The following SH2D4A variants were observed in gnomAD, a reference collection of about 807,000 sequenced individuals.
SH2D4A encodes SH2 domain-containing protein 4A.
Under a neutral mutation model 64.7 loss-of-function variants are expected in SH2D4A, and 70 were observed. That is an observed-to-expected ratio of 1.08 (90% CI 0.89 to 1.32). The LOEUF is 1.32. Ranked by LOEUF, SH2D4A falls within the 40% of genes most tolerant of loss-of-function variation. The pLI is 0.00. For missense variants in SH2D4A, 706 were observed against 540.1 expected, an observed-to-expected ratio of 1.31 and a Z score of -3.04; for synonymous variants, 268 against 200.7, an observed-to-expected ratio of 1.34 and a Z score of -2.83.
chr8:19,324,094 C>T (rs552508494), intron 2 of SH2D4A, among the ~76,000 whole-genome samples: 16 of 152,344 alleles, frequency 1.1e-4, no homozygotes, highest in Non-Finnish European at 2.1e-4. Flanking sequence ...TATGTGAAGG[C>T]GCCTTGCGCA....
intron 2 of SH2D4A, among the ~76,000 whole-genome samples, chr8:19,327,194 T>G (rs1224363728): frequency 6.6e-6 from 1 of 152,134 alleles, no homozygotes. Flanking sequence ...AGAAAAACAC[T>G]TCAAGAAACC....
chr8:19,314,034 T>G (rs2117154367), intron 1 of SH2D4A: 1 of 15,240 alleles, frequency 6.6e-5, no homozygotes, highest in Non-Finnish European at 7.1e-5. Flanking sequence ...GCGGCGGGTG[T>G]CCGGTGTCCG....
chr8:19,319,862 A>G (rs1264366782), intron 2 of SH2D4A, 134 bp downstream of exon 2: 14 of 829,222 alleles, frequency 1.7e-5, no homozygotes, highest in Non-Finnish European at 2.5e-5. Context: ...TGTTATTGAG[A>G]ATCTAATAGT....
chr8:19,376,451 A>G (rs1416980323), intron 8 of SH2D4A, among the ~76,000 whole-genome samples: 7 of 152,024 alleles, frequency 4.6e-5, no homozygotes, highest in East Asian at 1.9e-4. Flanking sequence ...GCAAAACCCA[A>G]TCTCTACTAA....
intron 8 of SH2D4A, among the ~76,000 whole-genome samples, chr8:19,380,277 TATTAG>T (rs1276564219): frequency 6.6e-6 from 1 of 152,238 alleles, no homozygotes; most frequent in Non-Finnish European, 1.5e-5. Flanking sequence ...ATCAATCCTT[TATTAG>T]ATATCTAATT....
At chr8:19,320,379 C>G (rs970152440) in intron 2 of SH2D4A, among the ~76,000 whole-genome samples, 6 of 152,026 alleles carry the variant, frequency 3.9e-5, no homozygotes, top group African/African-American at 1.2e-4. Flanking sequence ...GTCATTGCAG[C>G]ACTTTGGGTG....
At chr8:19,316,727 C>T (rs1256804789) in intron 1 of SH2D4A, among the ~76,000 whole-genome samples, 1 of 152,198 alleles carries the variant, frequency 6.6e-6, no homozygotes, top group Non-Finnish European at 1.5e-5. Flanking sequence ...ATTCTGGGCA[C>T]ACAAATAAAC....
At chr8:19,345,622 A>T (rs993171947) in intron 4 of SH2D4A, among the ~76,000 whole-genome samples, 2 of 152,218 alleles carry the variant, frequency 1.3e-5, no homozygotes. Flanking sequence ...CTCCCCTTGG[A>T]GACTCAAAAC....
chr8:19,340,597 CTTTCTTT>C (rs2052514762), intron 4 of SH2D4A, among the ~76,000 whole-genome samples: 2 of 124,602 alleles, frequency 1.6e-5, no homozygotes, highest in South Asian at 2.6e-4. Flanking sequence ...TTCTTTCTTT[CTTTCTTT>C]TTTTTTTTTT....
chr8:19,331,566 TA>T (rs1450506473), intron 2 of SH2D4A, among the ~76,000 whole-genome samples: 1 of 152,218 alleles, frequency 6.6e-6, no homozygotes, highest in African/African-American at 2.4e-5. Flanking sequence ...AGGCCAATTG[TA>T]AACAAGGGTT....
intron 7 of SH2D4A, among the ~76,000 whole-genome samples, chr8:19,372,351 A>G (rs1483656775): frequency 6.6e-6 from 1 of 152,200 alleles, no homozygotes. Flanking sequence ...GAAGAACTCA[A>G]GGAGGGTACA....
intron 2 of SH2D4A, among the ~76,000 whole-genome samples, chr8:19,324,272 T>A (rs2052238591): frequency 6.6e-6 from 1 of 152,206 alleles, no homozygotes; most frequent in South Asian, 2.1e-4. Context: ...TGGGCTGAGA[T>A]CTGGTTGCTG....
intron 8 of SH2D4A, among the ~76,000 whole-genome samples, chr8:19,383,208 C>T (rs536007592): frequency 7.9e-5 from 12 of 152,138 alleles, no homozygotes; most frequent in African/African-American, 1.7e-4. Context: ...GATGCTGTTC[C>T]GTAGGTCTGG....
Position 19,361,176 on chromosome 8 carries a change from G to GT in SH2D4A, c.595-18dup, listed in dbSNP as rs375651116. 4.9e-3 allele frequency: 6,302 copies of GT among 1,275,588 alleles called. 3 individuals carry two copies. Among genetic ancestry groups the GT allele is most frequent in the South Asian group, 5.3e-3 (373 of 69,980 alleles). The allele number at this position is 1,275,588 out of a possible 1,614,324, so 79.0% of individuals were successfully genotyped here. A position where few individuals can be genotyped will look rare whatever the true frequency, so the allele number is the denominator to read the frequency against. On this transcript the variant is annotated intron_variant, in intron 5 of 9. Coordinates refer to ENST00000265807, the MANE Select transcript of SH2D4A (RefSeq NM_022071.4). ...TCTTTTTTTGTTTTGTTTTGTTTTT[G>GT]TTTTTTTTTGTTTTGTTTTTAAACA... is the stretch of plus-strand genomic sequence containing the variant.
rs1470809251 is a variant in SH2D4A, at chr8:19,313,816, C to G, written c.-212C>G. The G allele has an allele frequency of 6.6e-7, 1 of 1,503,966 alleles. No individual in the cohort carries two copies. Among genetic ancestry groups the G allele is most frequent in the Non-Finnish European group, 8.8e-7 (1 of 1,132,106 alleles). 93.2% of individuals were successfully genotyped at this position (1,503,966 alleles called of 1,614,324 possible). A position where few individuals can be genotyped will look rare whatever the true frequency, so the allele number is the denominator to read the frequency against. On this transcript the variant is annotated 5_prime_UTR_variant, in exon 1 of 10. Transcript: ENST00000265807. ...TCGAGCCACCCTGCCCAGGGGCGCC[C>G]AGCACTGGTAGGTGCTGGGGGTGGG...
chr8:19,358,613 G>A (rs1422101595), intron 5 of SH2D4A, among the ~76,000 whole-genome samples: 2 of 152,178 alleles, frequency 1.3e-5, no homozygotes, highest in Admixed American at 6.5e-5. Flanking sequence ...TACCTCACTT[G>A]GCATGGTGGG....
At chr8:19,346,308 T>G (rs938340801) in intron 4 of SH2D4A, among the ~76,000 whole-genome samples, 2 of 152,176 alleles carry the variant, frequency 1.3e-5, no homozygotes, top group Admixed American at 1.3e-4. Flanking sequence ...AAGCCAGCAT[T>G]ACTCCCTGGG....
At chr8:19,345,734 A>G (rs1386276834) in intron 4 of SH2D4A, among the ~76,000 whole-genome samples, 2 of 152,252 alleles carry the variant, frequency 1.3e-5, no homozygotes, top group African/African-American at 4.8e-5. Context: ...TTTTAACCAG[A>G]ACGCCAAACC....
rs537427629 is a variant in SH2D4A, at chr8:19,395,194, A to C, written c.*552A>C. 2.0e-5 allele frequency: 3 copies of C among 152,350 alleles called. No homozygotes were observed. The highest frequency in any genetic ancestry group is 4.1e-4 in the South Asian group (2 of 4,824). The allele number at this position is 152,350 out of a possible 1,614,324, so 9.4% of individuals were successfully genotyped here. A position where few individuals can be genotyped will look rare whatever the true frequency, so the allele number is the denominator to read the frequency against. ...AAGTCATGAATGTAAATTGAATGAGAGGCTTAACATGCATGAAAATACAGA... is the reference window on the plus strand; with the variant it reads ...AAGTCATGAATGTAAATTGAATGAGCGGCTTAACATGCATGAAAATACAGA... On this transcript the variant is annotated 3_prime_UTR_variant, in exon 10 of 10. Coordinates refer to ENST00000265807, the MANE Select transcript of SH2D4A (RefSeq NM_022071.4).
Sources: allele counts gnomAD v4.1 joint callset (sites outside exome capture counted in the v4.1 genomes callset), GRCh38; gene constraint gnomAD v4.1.1; transcripts MANE v1.5; gene names NCBI Gene and HGNC (gene_info 2026-07-23, HGNC 2026-07-21).